PAK3: variants seen among roughly 807,000 people sequenced by gnomAD.
PAK3 encodes p21 (RAC1) activated kinase 3, also known as serine/threonine-protein kinase PAK 3.
A neutral mutation model predicts 41.0 loss-of-function variants in PAK3; 4 were observed. That is an observed-to-expected ratio of 0.10 (90% confidence interval 0.05 to 0.22). The LOEUF (loss-of-function observed/expected upper bound fraction) is 0.22. Ranked by LOEUF, PAK3 falls within the 10% of genes least tolerant of loss-of-function variation. The pLI is 1.00. For synonymous variants in PAK3, 146 were observed against 139.6 expected, an observed-to-expected ratio of 1.05 and a Z score of -0.32; for missense variants, 205 against 409.9, an observed-to-expected ratio of 0.50 and a Z score of 4.32.
In PAK3 at chrX:110,989,314, C is replaced by A. The variant is rs753495730; in HGVS notation, c.-28+44686C>A. On this transcript the variant is annotated intron_variant, in intron 1 of 14. Coordinates refer to the PAK3 transcript ENST00000425146. ...TATTTTCCTGATGGTACTTATCATA[C>A]AACTTAACATAGTATATTTTAAATA... Among the ~76,000 whole-genome samples, 21 of 112,201 alleles carry A rather than the reference C, an allele frequency of 1.9e-4. 1 individual carries two copies. Among genetic ancestry groups the A allele is most frequent in the Non-Finnish European group, 3.8e-5 (2 of 53,282 alleles).
intron 1 of PAK3, among the ~76,000 whole-genome samples, chrX:111,053,004 G>A (rs1289609296): frequency 8.9e-6 from 1 of 111,994 alleles, no homozygotes; most frequent in African/African-American, 3.2e-5. Flanking sequence ...TTTGATAGAC[G>A]CACAGCACAA....
At chrX:111,204,025 G>T (rs1202249709) in intron 16 of PAK3, among the ~76,000 whole-genome samples, 1 of 111,884 alleles carries the variant, frequency 8.9e-6, no homozygotes, top group Non-Finnish European at 1.9e-5. Flanking sequence ...GGAGGGGGAA[G>T]TTGGGATCAC....
intron 4 of PAK3, among the ~76,000 whole-genome samples, chrX:111,107,820 A>G (rs899819972): frequency 8.9e-6 from 1 of 112,012 alleles, no homozygotes. Context: ...CAGAAAAGCT[A>G]CTTGTGAGAC....
At chrX:111,104,744 C>T (rs1258529284) in intron 4 of PAK3, among the ~76,000 whole-genome samples, 3 of 111,288 alleles carry the variant, frequency 2.7e-5, no homozygotes, top group Non-Finnish European at 3.8e-5. Context: ...GATAATCTTG[C>T]AAGGTAGGTA....
chrX:111,143,085 C>G (rs770759881), intron 6 of PAK3, among the ~76,000 whole-genome samples: 1 of 110,619 alleles, frequency 9.0e-6, no homozygotes, highest in Non-Finnish European at 1.9e-5. Flanking sequence ...TATTAGTGAA[C>G]TCCATCAAAA....
At chrX:110,949,920 A>G (rs2090706468) in intron 1 of PAK3, among the ~76,000 whole-genome samples, 1 of 111,567 alleles carries the variant, frequency 9.0e-6, no homozygotes, top group South Asian at 3.7e-4. Flanking sequence ...TGAAATAAAA[A>G]TTCTTCCCAA....
chrX:111,142,263 C>T lies in PAK3; in HGVS notation c.276+67C>T, dbSNP rs900570811. Reference sequence around the variant, plus strand: ...TTCCTTTGTGAAAATAGTTTTCAAGCAAGAATTGCCATGTCCCAAAATGTC... The same window carrying T: ...TTCCTTTGTGAAAATAGTTTTCAAGTAAGAATTGCCATGTCCCAAAATGTC... On this transcript the variant is annotated intron_variant, in intron 6 of 17. Coordinates refer to ENST00000372007, the MANE Select transcript of PAK3 (RefSeq NM_002578.5). The T allele has an allele frequency of 1.2e-5, 8 of 645,211 alleles. No homozygotes were observed. In the African/African-American group the frequency reaches 1.7e-4, roughly 14 times the overall value. 53.2% of individuals were successfully genotyped at this position (645,211 alleles called of 1,213,427 possible).
At chrX:111,088,320 G>C (rs992884874) in intron 1 of PAK3, among the ~76,000 whole-genome samples, 2 of 111,894 alleles carry the variant, frequency 1.8e-5, no homozygotes, top group Non-Finnish European at 3.8e-5. Context: ...CGTTGTCCAA[G>C]GTTATCAAAC....
rs769992846 is a variant in PAK3, at chrX:111,083,171, G to T, written c.-27-39906G>T. Among the ~76,000 whole-genome samples the T allele has an allele frequency of 1.3e-4, 15 of 112,429 alleles. No individual in the cohort carries two copies. In the South Asian group the frequency reaches 1.8e-3, roughly 14 times the overall value. ...CTGGGATTATTACAAAACTGAGTTG[G>T]CTAGATCCAAATGAATGTGGTTTTC... On this transcript the variant is annotated intron_variant, in intron 1 of 14. Transcript: ENST00000425146.
chrX:111,096,139 G>C (rs2092975949), upstream of PAK3, among the ~76,000 whole-genome samples: 1 of 112,200 alleles, frequency 8.9e-6, no homozygotes, highest in Non-Finnish European at 1.9e-5. Context: ...GCAGAGCTCG[G>C]GTGACGTAAT....
In PAK3 at chrX:111,162,852, T is replaced by C. The variant is rs1336316014; in HGVS notation, c.469-63T>C. The stretch of plus-strand genomic sequence containing the variant: ...CTTAAATATTTCATTTCCCTTGTTT[T>C]ATTTCTGAAGAAAAACAATGAGGAG... On this transcript the variant is annotated intron_variant, in intron 8 of 17. Coordinates refer to ENST00000372007, the MANE Select transcript of PAK3 (RefSeq NM_002578.5). 14 of 1,027,469 alleles carry C rather than the reference T, an allele frequency of 1.4e-5. No homozygotes were observed. The Admixed American group carries it at 3.1e-4, about 22-fold the overall frequency. The allele number at this position is 1,027,469 out of a possible 1,213,427, so 84.7% of individuals were successfully genotyped here. A position where few individuals can be genotyped will look rare whatever the true frequency, so the allele number is the denominator to read the frequency against.
Position 111,227,272 on chromosome X carries a change from A to T in PAK3, c.*6825A>T, listed in dbSNP as rs1387539543. On this transcript the variant is annotated 3_prime_UTR_variant, in exon 18 of 18. Transcript: ENST00000372007. ...GAAGCAATAGAAAATTGAAATATGG[A>T]TTGTGCATGACTGTGTCTTGAGTGT... 8.9e-6 allele frequency: 1 copy of T among 112,228 alleles called. No individual in the cohort carries two copies. The highest frequency in any genetic ancestry group is 1.9e-5 in the Non-Finnish European group (1 of 53,266). 9.2% of individuals were successfully genotyped at this position (112,228 alleles called of 1,213,427 possible).
intron 1 of PAK3, among the ~76,000 whole-genome samples, chrX:110,965,411 A>C (rs1363408522): frequency 8.9e-6 from 1 of 112,096 alleles, no homozygotes; most frequent in Non-Finnish European, 1.9e-5. Flanking sequence ...CCTTGGCCTA[A>C]GGTCTGCTGC....
At position 110,982,475 on chromosome X, in the gene PAK3, C is replaced by T. The variant is rs771203141; in HGVS notation, c.-28+37847C>T. On this transcript the variant is annotated intron_variant, in intron 1 of 14. Transcript: ENST00000425146. ...TAACCTATATATAAAGCACTTAGCT[C>T]ATCGCCTGGAACATAGGTTGCGCTG... Among the ~76,000 whole-genome samples, 3 of 112,291 alleles carry T rather than the reference C, an allele frequency of 2.7e-5. No individual in the cohort carries two copies. In the South Asian group the frequency reaches 1.1e-3, roughly 42 times the overall value.
At chrX:111,145,633 T>C (rs1603299765) in intron 6 of PAK3, among the ~76,000 whole-genome samples, 1 of 111,840 alleles carries the variant, frequency 8.9e-6, no homozygotes, top group Admixed American at 9.5e-5. Flanking sequence ...GAAAAATGCA[T>C]GTAAAAGTGT....
chrX:111,126,889 A>C (rs1389992978), intron 5 of PAK3, among the ~76,000 whole-genome samples: 1 of 111,357 alleles, frequency 9.0e-6, no homozygotes, highest in African/African-American at 3.3e-5. Context: ...TATAAGCCGG[A>C]GGTAACTAAG....
chrX:111,019,304 C>T (rs939086953), intron 1 of PAK3, among the ~76,000 whole-genome samples: 24 of 110,184 alleles, frequency 2.2e-4, no homozygotes, highest in Non-Finnish European at 4.2e-4. Flanking sequence ...AAAAGGCATC[C>T]TACAGAATGA....
intron 1 of PAK3, among the ~76,000 whole-genome samples, chrX:111,055,599 C>T (rs1447084715): frequency 1.8e-5 from 2 of 112,312 alleles, no homozygotes; most frequent in East Asian, 5.6e-4. Flanking sequence ...CTAGCTGTGT[C>T]AAGCCTGTGA....
At chrX:111,047,470 C>T (rs964218439) in intron 1 of PAK3, among the ~76,000 whole-genome samples, 3 of 109,962 alleles carry the variant, frequency 2.7e-5, no homozygotes, top group South Asian at 3.9e-4. Context: ...AAGAAAGGAA[C>T]CATTTCTTAC....
Sources: gnomAD v4.1 joint callset for allele counts (sites outside exome capture counted in the v4.1 genomes callset) on GRCh38, gnomAD v4.1.1 for gene constraint, MANE v1.5 for transcripts, NCBI Gene and HGNC (gene_info 2026-07-23, HGNC 2026-07-21) for gene names.